The following RORB variants were observed in gnomAD, a reference collection of about 807,000 sequenced individuals.
RORB encodes the protein RAR related orphan receptor B.
RORB carries 6 observed loss-of-function variants against 59.1 expected under a neutral mutation model. That is an observed-to-expected ratio of 0.10 (90% CI 0.06 to 0.20). The LOEUF (loss-of-function observed/expected upper bound fraction) is 0.20. Among genes scored for constraint, RORB ranks in the 10% least tolerant of loss-of-function variants. RORB has a pLI of 1.00. For missense variants in RORB, 320 were observed against 560.5 expected, an observed-to-expected ratio of 0.57 and a Z score of 4.33; for synonymous variants, 215 against 204.5, an observed-to-expected ratio of 1.05 and a Z score of -0.44.
At chr9:74,574,822 T>G (rs912774733) in intron 1 of RORB, among the ~76,000 whole-genome samples, 1 of 152,002 alleles carries the variant, frequency 6.6e-6, no homozygotes, top group East Asian at 1.9e-4. Context: ...ACTTCTGAGA[T>G]TATAAAGAAA....
At chr9:74,612,807 A>C (rs1164151632) in intron 1 of RORB, among the ~76,000 whole-genome samples, 1 of 152,242 alleles carries the variant, frequency 6.6e-6, no homozygotes, top group Non-Finnish European at 1.5e-5. Flanking sequence ...TTTGAACTAT[A>C]ACACATCAGA....
rs375460038 is a variant in RORB, at chr9:74,612,483, C to T, written c.8-17799C>T. Reference sequence around the variant, plus strand: ...GAAACTTTATAGACATACTAGCCATCCTCCTTCTTTCCTGAACACACGCTA... The same window carrying T: ...GAAACTTTATAGACATACTAGCCATTCTCCTTCTTTCCTGAACACACGCTA... On this transcript the variant is annotated intron_variant, in intron 1 of 9. Coordinates refer to ENST00000376896, the MANE Select transcript of RORB (RefSeq NM_006914.4). 8.5e-5 allele frequency among the ~76,000 whole-genome samples: 13 copies of T among 152,256 alleles called. No individual in the cohort carries two copies. The East Asian group carries it at 1.9e-3, about 23-fold the overall frequency.
chr9:74,627,116 C>A (rs957299787), intron 1 of RORB, among the ~76,000 whole-genome samples: 1 of 149,320 alleles, frequency 6.7e-6, no homozygotes, highest in East Asian at 2.0e-4. Context: ...GAGCTGAGAT[C>A]GCGCCACTCC....
chr9:74,617,286 T>C (rs886948005), intron 1 of RORB, among the ~76,000 whole-genome samples: 2 of 152,120 alleles, frequency 1.3e-5, no homozygotes, highest in East Asian at 3.9e-4. Flanking sequence ...CTCCAAAAGA[T>C]CATTAGATTG....
At chr9:74,624,834 T>C (rs1201722631) in intron 1 of RORB, among the ~76,000 whole-genome samples, 2 of 152,346 alleles carry the variant, frequency 1.3e-5, no homozygotes, top group Middle Eastern at 3.4e-3. Context: ...GTCATCTTTA[T>C]TGGAAATTTC....
chr9:74,615,340 A>G (rs1394514950), intron 1 of RORB, among the ~76,000 whole-genome samples: 1 of 152,240 alleles, frequency 6.6e-6, no homozygotes, highest in Non-Finnish European at 1.5e-5. Flanking sequence ...ATTGCTATTA[A>G]GCAAATGCTG....
At chr9:74,498,368 T>C (rs1323481200) in intron 1 of RORB, 1 of 178,884 alleles carries the variant, frequency 5.6e-6, no homozygotes, top group African/African-American at 2.4e-5. Context: ...CGGCGCGCAG[T>C]GGTCGCCGGC....
At chr9:74,659,812 G>C (rs893226747) in intron 4 of RORB, among the ~76,000 whole-genome samples, 5 of 152,106 alleles carry the variant, frequency 3.3e-5, no homozygotes, top group African/African-American at 9.7e-5. Context: ...TGGTATTTAA[G>C]ATACAATGTG....
chr9:74,561,916 A>G (rs1822401158), intron 1 of RORB, among the ~76,000 whole-genome samples: 3 of 152,078 alleles, frequency 2.0e-5, no homozygotes, highest in Non-Finnish European at 4.4e-5. Context: ...TTTGATGAGT[A>G]CTGGCCAGGT....
chr9:74,513,534 A>T lies in RORB; in HGVS notation c.7+15551A>T, dbSNP rs1285802449. Among the ~76,000 whole-genome samples, 3 of 152,072 alleles carry T rather than the reference A, an allele frequency of 2.0e-5. No individual in the cohort carries two copies. In the East Asian group the frequency reaches 5.8e-4, roughly 29 times the overall value. On this transcript the variant is annotated intron_variant, in intron 1 of 9. Transcript: ENST00000376896. Reference sequence around the variant, plus strand: ...ATAATTCAATCTAGAAGGAATTTTAACTCAGAACCTGTGTTCACAGAGAAA... The same window carrying T: ...ATAATTCAATCTAGAAGGAATTTTATCTCAGAACCTGTGTTCACAGAGAAA...
intron 5 of RORB, among the ~76,000 whole-genome samples, chr9:74,661,636 CTTTT>C (rs779927558): frequency 7.5e-5 from 6 of 79,586 alleles, no homozygotes; most frequent in African/African-American, 9.6e-5. Flanking sequence ...TTCTTTTTTC[CTTTT>C]TTTTTTTTTT....
intron 1 of RORB, among the ~76,000 whole-genome samples, chr9:74,527,895 A>G (rs1031744275): frequency 1.6e-4 from 25 of 152,010 alleles, no homozygotes; most frequent in African/African-American, 5.8e-4. Context: ...GACTTCATGC[A>G]CTTGAAGATA....
At chr9:74,540,632 C>T (rs1181044715) in intron 1 of RORB, among the ~76,000 whole-genome samples, 2 of 151,946 alleles carry the variant, frequency 1.3e-5, no homozygotes, top group African/African-American at 4.8e-5. Context: ...ATTATTGGTA[C>T]AGGGATCTTT....
intron 1 of RORB, among the ~76,000 whole-genome samples, chr9:74,562,353 C>T (rs1822408016): frequency 1.3e-5 from 2 of 152,122 alleles, no homozygotes; most frequent in African/African-American, 4.8e-5. Context: ...ACTGTGATTC[C>T]TGCAATCTTC....
At chr9:74,597,071 C>T (rs1822979924) in intron 1 of RORB, among the ~76,000 whole-genome samples, 1 of 152,182 alleles carries the variant, frequency 6.6e-6, no homozygotes, top group South Asian at 2.1e-4. Flanking sequence ...GGACCTACCC[C>T]AAGAGTTTCT....
Position 74,688,955 on chromosome 9 carries a change from C to T in RORB, c.*3337C>T, listed in dbSNP as rs1047011509. On this transcript the variant is annotated 3_prime_UTR_variant, in exon 10 of 10. Transcript: ENST00000376896. ...CAAGGGAGGTGAAACCGGGTGAATT[C>T]AAACTTCAGTGTATTTGTGGTCCAT... 8 of 152,144 alleles carry T rather than the reference C, an allele frequency of 5.3e-5. No homozygotes were observed. Among genetic ancestry groups the T allele is most frequent in the African/African-American group, 1.7e-4 (7 of 41,434 alleles). The allele number at this position is 152,144 out of a possible 1,614,324, so 9.4% of individuals were successfully genotyped here. A position where few individuals can be genotyped will look rare whatever the true frequency, so the allele number is the denominator to read the frequency against.
At chr9:74,593,248 C>A (rs2118295197) in intron 1 of RORB, among the ~76,000 whole-genome samples, 1 of 152,194 alleles carries the variant, frequency 6.6e-6, no homozygotes, top group Non-Finnish European at 1.5e-5. Context: ...GGGTGGATCA[C>A]TTGAAGTCAG....
chr9:74,524,136 A>G (rs769165750), intron 1 of RORB, among the ~76,000 whole-genome samples: 2 of 151,276 alleles, frequency 1.3e-5, no homozygotes, highest in Non-Finnish European at 2.9e-5. Flanking sequence ...TAATTCCAGT[A>G]TAGTGGGATA....
intron 1 of RORB, among the ~76,000 whole-genome samples, chr9:74,500,438 G>A (rs1825790698): frequency 6.6e-6 from 1 of 152,172 alleles, no homozygotes; most frequent in African/African-American, 2.4e-5. Flanking sequence ...GTGAAAGCGG[G>A]AAAAGAATCA....
Sources: allele counts gnomAD v4.1 joint callset (sites outside exome capture counted in the v4.1 genomes callset), GRCh38; gene constraint gnomAD v4.1.1; transcripts MANE v1.5; gene names NCBI Gene and HGNC (gene_info 2026-07-23, HGNC 2026-07-21).